UBE2G1: variants seen among roughly 807,000 people sequenced by gnomAD.
UBE2G1 encodes the protein ubiquitin-conjugating enzyme E2 G1.
Under a neutral mutation model 22.7 loss-of-function variants are expected in UBE2G1, and 5 were observed. That is an observed-to-expected ratio of 0.22 (90% CI 0.12 to 0.46). The LOEUF is 0.46. Among genes scored for constraint, UBE2G1 ranks in the 20% least tolerant of loss-of-function variants. The pLI is 0.99. For synonymous variants in UBE2G1, 74 were observed against 67.5 expected (o/e 1.10, Z -0.47); for missense variants, 88 against 203.9 (o/e 0.43, Z 3.46).
At chr17:4,327,294 C>G (rs1969513505) in intron 1 of UBE2G1, among the ~76,000 whole-genome samples, 1 of 151,428 alleles carries the variant, frequency 6.6e-6, no homozygotes, top group South Asian at 2.1e-4. Flanking sequence ...AAGACTCTGT[C>G]TCAAAAAAAA....
intron 3 of UBE2G1, among the ~76,000 whole-genome samples, chr17:4,292,669 T>C (rs1001735832): frequency 6.6e-6 from 1 of 152,258 alleles, no homozygotes; most frequent in Admixed American, 6.5e-5. Flanking sequence ...TGTGGTACTC[T>C]TGTTTTCCCC....
At chr17:4,332,556 T>C (rs148804598) in intron 1 of UBE2G1, among the ~76,000 whole-genome samples, 4 of 152,330 alleles carry the variant, frequency 2.6e-5, no homozygotes, top group East Asian at 1.9e-4. Flanking sequence ...TGATGGCCTA[T>C]AGGGTCCTTC....
At chr17:4,274,043 C>T (rs901897040) in intron 5 of UBE2G1, among the ~76,000 whole-genome samples, 5 of 151,430 alleles carry the variant, frequency 3.3e-5, no homozygotes, top group African/African-American at 7.3e-5. Context: ...TGCAGTGGCG[C>T]GATCTCGGCT....
intron 1 of UBE2G1, among the ~76,000 whole-genome samples, chr17:4,350,796 G>A (rs1435844202): frequency 1.3e-5 from 2 of 151,980 alleles, no homozygotes; most frequent in Non-Finnish European, 2.9e-5. Context: ...ACTTTGGGAG[G>A]CCGAGGAGGG....
chr17:4,348,829 C>A (rs1219541239), intron 1 of UBE2G1, among the ~76,000 whole-genome samples: 1 of 151,690 alleles, frequency 6.6e-6, no homozygotes, highest in African/African-American at 2.4e-5. Flanking sequence ...CCACTGCACT[C>A]CAGCCTGGGA....
intron 2 of UBE2G1, among the ~76,000 whole-genome samples, 191 bp downstream of exon 2, chr17:4,306,830 T>G (rs1969253879): frequency 6.6e-6 from 1 of 152,092 alleles, no homozygotes; most frequent in Non-Finnish European, 1.5e-5. Flanking sequence ...TTTTGTATTT[T>G]TAGTAGAGAT....
At chr17:4,282,140 C>T (rs981113847) in intron 5 of UBE2G1, among the ~76,000 whole-genome samples, 3 of 152,082 alleles carry the variant, frequency 2.0e-5, no homozygotes, top group Admixed American at 1.3e-4. Context: ...TGTAGTGCCA[C>T]GGTGCAATCT....
chr17:4,337,954 A>T (rs1292846185), intron 1 of UBE2G1, among the ~76,000 whole-genome samples: 2 of 152,072 alleles, frequency 1.3e-5, no homozygotes, highest in Non-Finnish European at 2.9e-5. Context: ...TTGGATCACG[A>T]GGTCAGGAGA....
intron 1 of UBE2G1, among the ~76,000 whole-genome samples, chr17:4,340,600 C>T (rs1479861500): frequency 1.3e-5 from 2 of 152,034 alleles, no homozygotes; most frequent in African/African-American, 4.8e-5. Context: ...TCTCTCCTGC[C>T]GCCATGTTGA....
At chr17:4,319,637 A>G (rs989362128) in intron 1 of UBE2G1, among the ~76,000 whole-genome samples, 17 of 152,116 alleles carry the variant, frequency 1.1e-4, no homozygotes, top group Non-Finnish European at 2.5e-4. Flanking sequence ...CAGGAGGCTA[A>G]GGTGGGCAGA....
intron 1 of UBE2G1, among the ~76,000 whole-genome samples, chr17:4,332,679 C>T (rs967439701): frequency 6.6e-6 from 1 of 151,924 alleles, no homozygotes; most frequent in Non-Finnish European, 1.5e-5. Flanking sequence ...CTCCCTCCAG[C>T]GTTCAGGGGC....
At chr17:4,314,764 A>C (rs1487347323) in intron 1 of UBE2G1, among the ~76,000 whole-genome samples, 4 of 152,124 alleles carry the variant, frequency 2.6e-5, no homozygotes, top group Non-Finnish European at 5.9e-5. Flanking sequence ...CACAAACCTA[A>C]CCTGTTTGAG....
rs1159624825 is a variant in UBE2G1, at chr17:4,366,587, CCTT to C, written c.-274_-272del. ...TGGGACTTCGCTCGCCCGCTTCCCT[CCTT>C]CAACCCGCCCGTCGGCCCCACCGGT... is the stretch of plus-strand genomic sequence containing the variant. On this transcript the variant is annotated 5_prime_UTR_variant, in exon 1 of 6. Transcript: ENST00000396981. 16 of 365,800 alleles carry C rather than the reference CCTT, an allele frequency of 4.4e-5. No homozygotes were observed. Among genetic ancestry groups the C allele is most frequent in the Non-Finnish European group, 6.4e-5 (13 of 203,062 alleles). The allele number at this position is 365,800 out of a possible 1,614,324, so 22.7% of individuals were successfully genotyped here.
At chr17:4,290,097 ATTAC>A (rs897250845) in intron 3 of UBE2G1, among the ~76,000 whole-genome samples, 2 of 152,172 alleles carry the variant, frequency 1.3e-5, no homozygotes, top group East Asian at 1.9e-4. Flanking sequence ...AAAGTAAAAT[ATTAC>A]TTATTCATTA....
chr17:4,302,146 C>G, intron 2 of UBE2G1: 1 of 520,170 alleles, frequency 1.9e-6, no homozygotes, highest in Admixed American at 2.1e-5. Flanking sequence ...GCCATGTTCC[C>G]TTTTATTGGA....
chr17:4,315,222 C>G (rs2143748468), intron 1 of UBE2G1, among the ~76,000 whole-genome samples: 1 of 152,084 alleles, frequency 6.6e-6, no homozygotes, highest in East Asian at 1.9e-4. Context: ...ACATGGAGGC[C>G]CATTATACCT....
At chr17:4,349,029 A>G (rs1969813826) in intron 1 of UBE2G1, among the ~76,000 whole-genome samples, 1 of 152,034 alleles carries the variant, frequency 6.6e-6, no homozygotes, top group African/African-American at 2.4e-5. Flanking sequence ...TCTACTAAGA[A>G]TACAAAAATT....
intron 1 of UBE2G1, among the ~76,000 whole-genome samples, chr17:4,348,299 A>G (rs1169894594): frequency 6.6e-6 from 1 of 151,958 alleles, no homozygotes; most frequent in Non-Finnish European, 1.5e-5. Context: ...CACGCCTGTA[A>G]TCCCAGCACT....
Position 4,320,563 on chromosome 17 carries a change from T to C in UBE2G1, c.47-13440A>G, listed in dbSNP as rs543351645. On this transcript the variant is annotated intron_variant, in intron 1 of 5. Transcript: ENST00000396981. ...GATGCCCAACGTTGGGAGACATCTGTAGGTGGTGGTTGTTATTACTAAGTA... is the reference window on the plus strand; with the variant it reads ...GATGCCCAACGTTGGGAGACATCTGCAGGTGGTGGTTGTTATTACTAAGTA... Among the ~76,000 whole-genome samples the C allele has an allele frequency of 9.8e-5, 15 of 152,330 alleles. No individual in the cohort carries two copies. The East Asian group carries it at 1.9e-3, about 20-fold the overall frequency.
Sources: allele counts gnomAD v4.1 joint callset (sites outside exome capture counted in the v4.1 genomes callset), GRCh38; gene constraint gnomAD v4.1.1; transcripts MANE v1.5; gene names NCBI Gene and HGNC (gene_info 2026-07-23, HGNC 2026-07-21).